RAPGEF1: variants seen among roughly 807,000 people sequenced by gnomAD.
RAPGEF1 encodes the protein CRK SH3-binding GNRP.
A neutral mutation model predicts 143.3 loss-of-function variants in RAPGEF1; 33 were observed. The ratio of observed to expected loss-of-function variants is 0.23; its 90% CI spans 0.17 to 0.31. The LOEUF (loss-of-function observed/expected upper bound fraction) is 0.31. Ranked by LOEUF, RAPGEF1 falls within the 10% of genes least tolerant of loss-of-function variation. The pLI, the probability that RAPGEF1 is intolerant of heterozygous loss-of-function variation, is 1.00. For missense variants in RAPGEF1, 1,199 were observed against 1,645.4 expected (o/e 0.73, Z 4.69); for synonymous variants, 629 against 676.5 (o/e 0.93, Z 1.09).
intron 15 of RAPGEF1, among the ~76,000 whole-genome samples, chr9:131,599,130 TG>T (rs150121357): frequency 0.1 from 13,502 of 135,140 alleles, 670 homozygotes; most frequent in Middle Eastern, 0.25. Context: ...GCCACTTATT[TG>T]TTTTTTTTTT....
intron 1 of RAPGEF1, among the ~76,000 whole-genome samples, chr9:131,694,083 C>A (rs776070139): frequency 3.9e-5 from 6 of 152,168 alleles, no homozygotes; most frequent in Non-Finnish European, 5.9e-5. Flanking sequence ...CAGGTCTCTG[C>A]CCACTGTTTT....
At chr9:131,715,474 C>CT (rs1835795511) in intron 1 of RAPGEF1, among the ~76,000 whole-genome samples, 1 of 152,022 alleles carries the variant, frequency 6.6e-6, no homozygotes, top group Non-Finnish European at 1.5e-5. Flanking sequence ...GTCTCATGGG[C>CT]TTTGGGGGTT....
Position 131,655,065 on chromosome 9 carries a change from T to C in RAPGEF1, c.62-4116A>G, listed in dbSNP as rs1972086818. ...AAATAAATAGCACGGCACCTTGCAC[T>C]ACATGGCTCTCACTCTGTCTACTAT... On this transcript the variant is annotated intron_variant, in intron 1 of 26. Coordinates refer to ENST00000683357, the MANE Select transcript of RAPGEF1 (RefSeq NM_001377935.1). This position sits in a 1 kb window ranked among gnomAD's most constrained non-coding sequence, Gnocchi z 4.1. Among the ~76,000 whole-genome samples, 1 of 152,218 alleles carries C rather than the reference T, an allele frequency of 6.6e-6. No homozygotes were observed. Among genetic ancestry groups the C allele is most frequent in the Non-Finnish European group, 1.5e-5 (1 of 68,038 alleles).
chr9:131,711,514 A>G (rs1038369325), intron 1 of RAPGEF1, among the ~76,000 whole-genome samples: 5 of 150,674 alleles, frequency 3.3e-5, no homozygotes, highest in Non-Finnish European at 7.4e-5. Context: ...GCGCCACCAC[A>G]CCCAGCTAAT....
In RAPGEF1 at chr9:131,654,056, T is replaced by C. The variant is rs115100997; in HGVS notation, c.62-3107A>G. Among the ~76,000 whole-genome samples the C allele has an allele frequency of 4.4e-3, 663 of 152,322 alleles. 5 individuals carry two copies. Among genetic ancestry groups the C allele is most frequent in the African/African-American group, 0.015 (626 of 41,564 alleles). ...CCATATATTGTATGATTCCATTCAT[T>C]TGAAATGTCCAGAATAGGCAAATCC... On this transcript the variant is annotated intron_variant, in intron 1 of 26. Coordinates refer to ENST00000683357, the MANE Select transcript of RAPGEF1 (RefSeq NM_001377935.1).
chr9:131,591,164 A>G (rs188070753), intron 18 of RAPGEF1, among the ~76,000 whole-genome samples: 6 of 152,360 alleles, frequency 3.9e-5, no homozygotes, highest in East Asian at 1.9e-4. Flanking sequence ...GGCTCCGCCA[A>G]TGGAGGATGT....
At chr9:131,597,098 C>G (rs1955432906) in intron 16 of RAPGEF1, among the ~76,000 whole-genome samples, 1 of 152,194 alleles carries the variant, frequency 6.6e-6, no homozygotes, top group East Asian at 1.9e-4. Context: ...TCCAGGACAA[C>G]CCCCCAGGCC....
At chr9:131,658,424 T>C (rs1360606506) in intron 1 of RAPGEF1, among the ~76,000 whole-genome samples, 1 of 152,228 alleles carries the variant, frequency 6.6e-6, no homozygotes, top group Non-Finnish European at 1.5e-5. Context: ...CAAGTTCACC[T>C]GAACTTGAGA....
At chr9:131,691,443 TA>T (rs1833774446) in intron 1 of RAPGEF1, among the ~76,000 whole-genome samples, 3 of 152,334 alleles carry the variant, frequency 2.0e-5, no homozygotes, top group Non-Finnish European at 2.9e-5. Flanking sequence ...TAACTTGTTG[TA>T]TGCCACAGAA....
At chr9:131,720,829 G>A (rs1471106182) in intron 1 of RAPGEF1, among the ~76,000 whole-genome samples, 2 of 152,160 alleles carry the variant, frequency 1.3e-5, no homozygotes, top group African/African-American at 4.8e-5. Flanking sequence ...ACCAAGACAA[G>A]TGTCCCTATA....
At chr9:131,586,899 C>A (rs1393979155) in intron 22 of RAPGEF1, among the ~76,000 whole-genome samples, 1 of 120,644 alleles carries the variant, frequency 8.3e-6, no homozygotes, top group Non-Finnish European at 1.7e-5. Flanking sequence ...AACACACACA[C>A]ACACCTGCAG....
chr9:131,584,371 G>A lies in RAPGEF1; in HGVS notation c.3354C>T (p.Ile1118=). The change falls in exon 24 of 27, where the codon ATC becomes ATT. Residue 1118 remains isoleucine, a synonymous_variant. Coordinates refer to ENST00000683357, the MANE Select transcript of RAPGEF1 (RefSeq NM_001377935.1). The surrounding 1 kb of genome is among the most constrained non-coding windows in gnomAD (Gnocchi z 6.8). The stretch of plus-strand genomic sequence containing the variant: ...TGGGCGCCGAGTCCAGGGCAGAGAG[G>A]ATGGCCAAGTAGGAGTTGAAGTTAT... The part of the protein sequence containing the change: ...KLNNFNSYLA[I]LSALDSAPIR... 3.1e-6 allele frequency: 5 copies of A among 1,613,908 alleles called. No homozygotes were observed. Among genetic ancestry groups the A allele is most frequent in the Non-Finnish European group, 4.2e-6 (5 of 1,179,832 alleles).
chr9:131,656,095 C>T (rs998877230), intron 1 of RAPGEF1, among the ~76,000 whole-genome samples: 5 of 152,168 alleles, frequency 3.3e-5, no homozygotes, highest in Non-Finnish European at 7.3e-5. Context: ...GCCTGGCACA[C>T]GGCACCCGCT....
intron 12 of RAPGEF1, among the ~76,000 whole-genome samples, chr9:131,607,025 G>A (rs1381573129): frequency 2.6e-5 from 4 of 152,120 alleles, no homozygotes; most frequent in Non-Finnish European, 5.9e-5. Context: ...GTACAGCCGT[G>A]GCCCCTTCCC....
At chr9:131,662,782 A>T (rs1286871052) in intron 1 of RAPGEF1, among the ~76,000 whole-genome samples, 1 of 152,030 alleles carries the variant, frequency 6.6e-6, no homozygotes, top group Non-Finnish European at 1.5e-5. Context: ...ACCTCAAGTG[A>T]TCTGCCTGTC....
chr9:131,584,283 C>T lies in RAPGEF1; in HGVS notation c.3414+28G>A, dbSNP rs771149365. On this transcript the variant is annotated intron_variant, in intron 24 of 26. Coordinates refer to ENST00000683357, the MANE Select transcript of RAPGEF1 (RefSeq NM_001377935.1). The surrounding 1 kb of genome is among the most constrained non-coding windows in gnomAD (Gnocchi z 6.8). ...TGGGCGGCCCCCCTTACCAGCCACC[C>T]TCCCGCCCACGCCCCAAGGCCACTC... 6 of 1,575,536 alleles carry T rather than the reference C, an allele frequency of 3.8e-6. No individual in the cohort carries two copies. Among genetic ancestry groups the T allele is most frequent in the East Asian group, 4.6e-5 (2 of 43,248 alleles).
At position 131,578,836 on chromosome 9, in the gene RAPGEF1, G is replaced by C. The variant is rs1254782825; in HGVS notation, c.*661C>G. ...ACTGCTGCTGCTCTCAGGCGGGCAA[G>C]GGAGGCCCTGATGGCGCCAGTACCG... On this transcript the variant is annotated 3_prime_UTR_variant, in exon 27 of 27. Transcript: ENST00000683357. 1 of 152,610 alleles carries C rather than the reference G, an allele frequency of 6.6e-6. No individual in the cohort carries two copies. The highest frequency in any genetic ancestry group is 1.5e-5 in the Non-Finnish European group (1 of 68,334). 9.5% of individuals were successfully genotyped at this position (152,610 alleles called of 1,614,324 possible). A position where few individuals can be genotyped will look rare whatever the true frequency, so the allele number is the denominator to read the frequency against.
rs892625843 is a variant in RAPGEF1, at chr9:131,667,143, C to T, written c.62-16194G>A. On this transcript the variant is annotated intron_variant, in intron 1 of 26. Coordinates refer to ENST00000683357, the MANE Select transcript of RAPGEF1 (RefSeq NM_001377935.1). The surrounding 1 kb of genome is among the most constrained non-coding windows in gnomAD (Gnocchi z 4.6). Reference sequence around the variant, plus strand: ...TAGCTGGGATTACAGGTGCCTGCCACCACGCCTGGCTAAGTTTTGTATTTT... The same window carrying T: ...TAGCTGGGATTACAGGTGCCTGCCATCACGCCTGGCTAAGTTTTGTATTTT... Among the ~76,000 whole-genome samples the T allele has an allele frequency of 6.6e-6, 1 of 152,158 alleles. No homozygotes were observed. The highest frequency in any genetic ancestry group is 1.5e-5 in the Non-Finnish European group (1 of 68,032).
chr9:131,615,835 G>A (rs1055949581), intron 12 of RAPGEF1, among the ~76,000 whole-genome samples: 7 of 151,980 alleles, frequency 4.6e-5, no homozygotes, highest in Admixed American at 1.3e-4. Flanking sequence ...CAGCCCCCAC[G>A]ACCCTGTCCT....
Sources: allele counts gnomAD v4.1 joint callset (sites outside exome capture counted in the v4.1 genomes callset), GRCh38; gene constraint gnomAD v4.1.1; non-coding constraint Gnocchi (gnomAD v3.1); transcripts MANE v1.5; gene names NCBI Gene and HGNC (gene_info 2026-07-23, HGNC 2026-07-21).